Variants in KIF13A observed in about 807,000 individuals in gnomAD.
KIF13A encodes kinesin-like protein KIF13A.
Under a neutral mutation model 212.2 loss-of-function variants are expected in KIF13A, and 79 were observed. That is an observed-to-expected ratio of 0.37 (90% CI 0.31 to 0.45). The LOEUF is 0.45. Ranked by LOEUF, KIF13A falls within the 20% of genes least tolerant of loss-of-function variation. KIF13A has a pLI of 1.00. For missense variants in KIF13A, 1,901 were observed against 2,209.0 expected (o/e 0.86, Z 2.79); for synonymous variants, 789 against 808.6 (o/e 0.98, Z 0.41).
intron 2 of KIF13A, among the ~76,000 whole-genome samples, chr6:17,977,687 T>G (rs1421983368): frequency 2.0e-5 from 3 of 151,966 alleles, no homozygotes; most frequent in African/African-American, 7.2e-5. Flanking sequence ...ATAACTGATT[T>G]GTTTTTATTT....
intron 9 of KIF13A, among the ~76,000 whole-genome samples, chr6:17,842,054 AT>A (rs1219126569): frequency 6.9e-6 from 1 of 145,236 alleles, no homozygotes; most frequent in Non-Finnish European, 1.5e-5. Context: ...TACATATATT[AT>A]TTTTTTTCTT....
rs1771793616 is a variant in KIF13A at position 17,888,948 on chromosome 6, T to A, written c.159+9220A>T. On this transcript the variant is annotated intron_variant, in intron 3 of 38. Transcript: ENST00000259711. This position sits in a 1 kb window ranked among gnomAD's most constrained non-coding sequence, Gnocchi z 4.8. ...TGTACCAAGTCTTCTAAATCTAGCA[T>A]ATATTTTGTACTTAATCTCGAGCAA... Among the ~76,000 whole-genome samples the A allele has an allele frequency of 6.6e-6, 1 of 152,206 alleles. No homozygotes were observed. The highest frequency in any genetic ancestry group is 6.5e-5 in the Admixed American group (1 of 15,278).
chr6:17,895,669 A>G lies in KIF13A; in HGVS notation c.159+2499T>C, dbSNP rs1478714722. The stretch of plus-strand genomic sequence containing the variant: ...TCCTCCTCAGCCCCACAAAGCAGTC[A>G]GCAATATGCATTTGCTCTGTCTTTA... On this transcript the variant is annotated intron_variant, in intron 3 of 38. Coordinates refer to ENST00000259711, the MANE Select transcript of KIF13A (RefSeq NM_022113.6). The surrounding 1 kb of genome is among the most constrained non-coding windows in gnomAD (Gnocchi z 4.4). Among the ~76,000 whole-genome samples, 1 of 152,216 alleles carries G rather than the reference A, an allele frequency of 6.6e-6. No homozygotes were observed. Among genetic ancestry groups the G allele is most frequent in the Non-Finnish European group, 1.5e-5 (1 of 68,034 alleles).
Position 17,773,572 on chromosome 6 carries a change from C to G in KIF13A, c.4230G>C (p.Glu1410Asp), listed in dbSNP as rs1433570518. ...GFDEDDKGWP[E>D]NQLDMSDYSS... is the part of the protein sequence containing the mutation. ...TATAGTCAGACATGTCCAACTGGTT[C>G]TCTGGCCAACCCTACAAGGTAAAAA... Residue 1410 changes from glutamate to aspartate, a missense_variant, in exon 36 of 39, where the codon GAG becomes GAC. Glu to Asp is a conservative substitution (Grantham distance 45). This residue lies in a region of KIF13A where 687 missense variants were observed against 759.1 expected (regional missense o/e 0.90). Coordinates refer to ENST00000259711, the MANE Select transcript of KIF13A (RefSeq NM_022113.6). The surrounding 1 kb of genome is among the most constrained non-coding windows in gnomAD (Gnocchi z 4.2). 2.5e-6 allele frequency: 4 copies of G among 1,603,332 alleles called. No individual in the cohort carries two copies. The highest frequency in any genetic ancestry group is 3.4e-6 in the Non-Finnish European group (4 of 1,171,420).
intron 34 of KIF13A, among the ~76,000 whole-genome samples, chr6:17,775,971 T>C (rs1356118056): frequency 6.6e-6 from 1 of 152,114 alleles, no homozygotes; most frequent in Admixed American, 6.6e-5. Flanking sequence ...AATCTCCTCC[T>C]GGGTTCAAGC....
intron 33 of KIF13A, 23 bp downstream of exon 33, chr6:17,778,924 G>A (rs541012033): frequency 1.5e-5 from 24 of 1,557,704 alleles, no homozygotes; most frequent in Admixed American, 9.7e-5. Flanking sequence ...TTTCATCCTC[G>A]GTCCAGATAT....
In KIF13A at chr6:17,982,937, G is replaced by A. The variant is rs554199201; in HGVS notation, c.146+4117C>T. On this transcript the variant is annotated intron_variant, in intron 2 of 38. Transcript: ENST00000259711. The surrounding 1 kb of genome is among the most constrained non-coding windows in gnomAD (Gnocchi z 5.1). Reference sequence around the variant, plus strand: ...TGTAATCCCAGCACTTTGGGAGGCCGAGGCAGGCGGATTACAAGGTCAGGA... The same window carrying A: ...TGTAATCCCAGCACTTTGGGAGGCCAAGGCAGGCGGATTACAAGGTCAGGA... Among the ~76,000 whole-genome samples, 50 of 152,208 alleles carry A rather than the reference G, an allele frequency of 3.3e-4. No homozygotes were observed. Among genetic ancestry groups the A allele is most frequent in the African/African-American group, 1.0e-3 (43 of 41,540 alleles).
chr6:17,874,947 C>A (rs1258912830), intron 3 of KIF13A, among the ~76,000 whole-genome samples: 1 of 147,386 alleles, frequency 6.8e-6, no homozygotes, highest in Non-Finnish European at 1.5e-5. Flanking sequence ...GCCGTTAATT[C>A]ATTCCTTTTT....
chr6:17,930,488 T>TA (rs1489311508), intron 2 of KIF13A, among the ~76,000 whole-genome samples: 5 of 152,158 alleles, frequency 3.3e-5, no homozygotes, highest in Admixed American at 6.5e-5. Flanking sequence ...GAAAGGAACT[T>TA]ACGTTATCAG....
Position 17,781,702 on chromosome 6 carries a change from C to A in KIF13A, c.3545-401G>T, listed in dbSNP as rs112718870. ...GAGTGCACGGCCTGATCATAGCTCA[C>A]TGCAGCCTTGAACTTCTGGGCTCAA... On this transcript the variant is annotated intron_variant, in intron 29 of 38. Transcript: ENST00000259711. Among the ~76,000 whole-genome samples the A allele has an allele frequency of 1.8e-3, 265 of 148,722 alleles. 3 individuals carry two copies. Among genetic ancestry groups the A allele is most frequent in the African/African-American group, 6.0e-3 (244 of 40,444 alleles).
Position 17,853,716 on chromosome 6 carries a change from A to G in KIF13A, c.495-1674T>C, listed in dbSNP as rs73722891. On this transcript the variant is annotated intron_variant, in intron 6 of 38. Coordinates refer to ENST00000259711, the MANE Select transcript of KIF13A (RefSeq NM_022113.6). ...TCACGGTGGGGGGAACAAATCACCA[A>G]AGAACACATATATTATGATGTCATA... 6.1e-3 allele frequency among the ~76,000 whole-genome samples: 933 copies of G among 152,360 alleles called. 7 individuals are homozygous for G. The highest frequency in any genetic ancestry group is 0.022 in the African/African-American group (895 of 41,586).
At position 17,987,127 on chromosome 6, in the gene KIF13A, T is replaced by G. The variant is rs945806990; in HGVS notation, c.73A>C (p.Lys25Gln). ...MNRRELELNT[K>Q]CVVEMEGNQT... ...TTCCCTTCCATCTCCACCACGCACT[T>G]GGTGTTCAGTTCCAGTTCTGAAAGC... Residue 25 changes from lysine (K) to glutamine (Q), a missense_variant, in exon 2 of 39, where the codon AAG (lysine) becomes CAG (glutamine). This residue lies in a region of KIF13A where 506 missense variants were observed against 637.4 expected (regional missense o/e 0.79). Coordinates refer to ENST00000259711, the MANE Select transcript of KIF13A (RefSeq NM_022113.6). This position sits in a 1 kb window ranked among gnomAD's most constrained non-coding sequence, Gnocchi z 7.7. 11 of 1,612,848 alleles carry G rather than the reference T, an allele frequency of 6.8e-6. No individual in the cohort carries two copies. The highest frequency in any genetic ancestry group is 4.0e-5 in the African/African-American group (3 of 74,898).
rs1288118999 is a variant in KIF13A at position 17,899,561 on chromosome 6, G to A, written c.147-1381C>T. Among the ~76,000 whole-genome samples the A allele has an allele frequency of 1.3e-5, 2 of 152,144 alleles. No homozygotes were observed. Among genetic ancestry groups the A allele is most frequent in the Non-Finnish European group, 2.9e-5 (2 of 68,034 alleles). On this transcript the variant is annotated intron_variant, in intron 2 of 38. Coordinates refer to ENST00000259711, the MANE Select transcript of KIF13A (RefSeq NM_022113.6). This position sits in a 1 kb window ranked among gnomAD's most constrained non-coding sequence, Gnocchi z 5.2. ...ATCACATGCATAATTCTACGCTTTC[G>A]AGTGCAGGGAAGAAAAATCATCCCA...
In KIF13A at chr6:17,843,659, G is replaced by A. The variant is rs1357554493; in HGVS notation, c.830+5718C>T. 2.6e-5 allele frequency among the ~76,000 whole-genome samples: 4 copies of A among 152,200 alleles called. No individual in the cohort carries two copies. The highest frequency in any genetic ancestry group is 9.6e-5 in the African/African-American group (4 of 41,456). On this transcript the variant is annotated intron_variant, in intron 9 of 38. Coordinates refer to ENST00000259711, the MANE Select transcript of KIF13A (RefSeq NM_022113.6). This position sits in a 1 kb window ranked among gnomAD's most constrained non-coding sequence, Gnocchi z 5.3. The stretch of plus-strand genomic sequence containing the variant: ...TTTCTGAGGTGCTGTACCAGCCTCT[G>A]GACTTCCTGTTAAATGAGAAAAATT...
At chr6:17,767,790 T>C (rs548162525) in intron 38 of KIF13A, among the ~76,000 whole-genome samples, 63 of 152,372 alleles carry the variant, frequency 4.1e-4, no homozygotes, top group African/African-American at 1.4e-3. Flanking sequence ...AGGAAAGGCC[T>C]GTTATCCTAA....
chr6:17,812,674 A>G (rs1438926900), intron 17 of KIF13A: 1 of 152,170 alleles, frequency 6.6e-6, no homozygotes, highest in African/African-American at 2.4e-5. Flanking sequence ...AACAACTTAT[A>G]TTTCTTTGGG....
chr6:17,852,214 T>A (rs942787437), intron 6 of KIF13A, among the ~76,000 whole-genome samples, 172 bp from the exon 7 acceptor site: 1 of 152,234 alleles, frequency 6.6e-6, no homozygotes, highest in African/African-American at 2.4e-5. Context: ...ATGTTTAACA[T>A]GAGAAATGTG....
chr6:17,976,017 A>G (rs902375276), intron 2 of KIF13A, among the ~76,000 whole-genome samples: 1 of 152,142 alleles, frequency 6.6e-6, no homozygotes, highest in East Asian at 1.9e-4. Context: ...GCTGATTGGT[A>G]TGTTTACAAA....
chr6:17,812,929 GTGATAATGAAC>G (rs1203662240), intron 17 of KIF13A, among the ~76,000 whole-genome samples: 2 of 152,182 alleles, frequency 1.3e-5, no homozygotes, highest in African/African-American at 4.8e-5. Flanking sequence ...CTAGTCATTG[GTGATAATGAAC>G]ACTTCTTAAT....
Sources: gnomAD v4.1 joint callset for allele counts (sites outside exome capture counted in the v4.1 genomes callset) on GRCh38, gnomAD v4.1.1 for gene constraint, gnomAD v4.1.1 regional missense constraint, Gnocchi (gnomAD v3.1) non-coding constraint, MANE v1.5 for transcripts, NCBI Gene and HGNC (gene_info 2026-07-23, HGNC 2026-07-21) for gene names.